The following CTTNBP2 variants were observed in gnomAD, a reference collection of about 807,000 sequenced individuals.
The protein encoded by CTTNBP2 is cortactin binding protein 2.
A neutral mutation model predicts 156.9 loss-of-function variants in CTTNBP2; 108 were observed. The observed-to-expected ratio is 0.69, with a 90% confidence interval of 0.59 to 0.81. CTTNBP2 has a LOEUF of 0.81. Ranked by LOEUF, CTTNBP2 falls within the 30% of genes least tolerant of loss-of-function variation. The probability of loss-of-function intolerance (pLI) is 0.00; values close to 1 mark genes in which losing one functional copy is unlikely to be tolerated. For missense variants in CTTNBP2, 1,924 were observed against 2,035.4 expected (o/e 0.95, Z 1.05); for synonymous variants, 767 against 751.8 (o/e 1.02, Z -0.33).
chr7:117,769,338 A>C (rs1048829350), intron 8 of CTTNBP2, among the ~76,000 whole-genome samples: 5 of 152,202 alleles, frequency 3.3e-5, no homozygotes, highest in African/African-American at 1.2e-4. Flanking sequence ...TAAAGCTGAC[A>C]GACAGAACCT....
chr7:117,727,100 T>C lies in CTTNBP2; in HGVS notation c.4055+989A>G, dbSNP rs868863512. On this transcript the variant is annotated intron_variant, in intron 17 of 22. Coordinates refer to ENST00000160373, the MANE Select transcript of CTTNBP2 (RefSeq NM_033427.3). ...ATTATATCAATAAGTGTATTTATTT[T>C]GTAGCAAAATTCTAAATATATATTT... Among the ~76,000 whole-genome samples, 46 of 152,356 alleles carry C rather than the reference T, an allele frequency of 3.0e-4. 1 individual carries two copies. In the Middle Eastern group the frequency reaches 0.024, roughly 79 times the overall value.
chr7:117,735,124 G>A (rs1414697877), intron 15 of CTTNBP2, 24 bp from the exon 16 acceptor site: 1 of 1,606,232 alleles, frequency 6.2e-7, no homozygotes, highest in East Asian at 2.2e-5. Flanking sequence ...AAAAGCAATG[G>A]CCCATCCTCA....
chr7:117,782,934 T>C lies in CTTNBP2; in HGVS notation c.2300A>G (p.Glu767Gly). 6.2e-7 allele frequency: 1 copy of C among 1,613,964 alleles called. No homozygotes were observed. Among genetic ancestry groups the C allele is most frequent in the Non-Finnish European group, 8.5e-7 (1 of 1,179,818 alleles). The change falls in exon 6 of 23, where the codon GAA becomes GGA. Residue 767 changes from glutamate (E) to glycine (G), a missense_variant. Coordinates refer to ENST00000160373, the MANE Select transcript of CTTNBP2 (RefSeq NM_033427.3). ...TTTATCAGCAGCATTGACTTGGGCTTCTGCACTCAGCAGCAATCTCACACA... is the reference window on the plus strand; with the variant it reads ...TTTATCAGCAGCATTGACTTGGGCTCCTGCACTCAGCAGCAATCTCACACA... The part of the protein sequence containing the change: ...TDCVRLLLSA[E>G]AQVNAADKNG...
chr7:117,724,066 C>T (rs573147553), intron 19 of CTTNBP2, among the ~76,000 whole-genome samples: 1 of 151,958 alleles, frequency 6.6e-6, no homozygotes, highest in Non-Finnish European at 1.5e-5. Flanking sequence ...ATTTCCAGTG[C>T]CTAGACTAAA....
chr7:117,823,498 T>A (rs1198042535), intron 2 of CTTNBP2, among the ~76,000 whole-genome samples: 3 of 152,232 alleles, frequency 2.0e-5, no homozygotes, highest in Non-Finnish European at 2.9e-5. Context: ...ACTTGCCTAA[T>A]TTTCTTTGTA....
rs147958874 is a variant in CTTNBP2, at chr7:117,777,531, C to A, written c.2758G>T (p.Ala920Ser). The A allele has an allele frequency of 6.2e-6, 10 of 1,613,258 alleles. No homozygotes were observed. The highest frequency in any genetic ancestry group is 1.7e-5 in the Admixed American group (1 of 59,990). Residue 920 changes from alanine (A) to serine (S), a missense_variant, in exon 8 of 23, where the codon GCT (alanine) becomes TCT (serine). Coordinates refer to ENST00000160373, the MANE Select transcript of CTTNBP2 (RefSeq NM_033427.3). ...NREGWTAAHI[A>S]ASKGFKNCLE... The stretch of plus-strand genomic sequence containing the variant: ...CACACCTTAAAACCTTTGGAAGCAG[C>A]AATGTGGGCAGCAGTCCAGCCTTCT...
At position 117,792,377 on chromosome 7, in the gene CTTNBP2, A is replaced by G; in HGVS notation, c.819T>C (p.Ser273=). The G allele has an allele frequency of 6.2e-7, 1 of 1,614,086 alleles. No homozygotes were observed. Among genetic ancestry groups the G allele is most frequent in the Non-Finnish European group, 8.5e-7 (1 of 1,180,030 alleles). The change falls in exon 4 of 23, where the codon AGT becomes AGC. Residue 273 remains serine, a synonymous_variant. Transcript: ENST00000160373. This position sits in a 1 kb window ranked among gnomAD's most constrained non-coding sequence, Gnocchi z 4.2. ...GAAGAGAGAGGCTTGGTTTGCTGTCACTTCCCCTTTTCAGTTGCTCAATCA... is the reference window on the plus strand; with the variant it reads ...GAAGAGAGAGGCTTGGTTTGCTGTCGCTTCCCCTTTTCAGTTGCTCAATCA... The part of the protein sequence containing the change: ...RKMIEQLKRG[S]DSKPSLSLPR...
At chr7:117,718,155 C>G in intron 21 of CTTNBP2, 36 bp from the exon 22 acceptor site, 2 of 1,314,606 alleles carry the variant, frequency 1.5e-6, no homozygotes, top group Non-Finnish European at 1.1e-6. Context: ...CATGTCTCCA[C>G]AGTCACACTG....
chr7:117,813,094 A>G (rs1455283747), intron 2 of CTTNBP2, among the ~76,000 whole-genome samples: 1 of 152,174 alleles, frequency 6.6e-6, no homozygotes, highest in Non-Finnish European at 1.5e-5. Flanking sequence ...TGAAGGGAGC[A>G]GGAATGTCGT....
At chr7:117,854,692 T>A (rs1220384234) in intron 2 of CTTNBP2, among the ~76,000 whole-genome samples, 1 of 152,236 alleles carries the variant, frequency 6.6e-6, no homozygotes, top group East Asian at 1.9e-4. Context: ...AAAGGTATAC[T>A]TTTTCAAGAA....
intron 1 of CTTNBP2, among the ~76,000 whole-genome samples, chr7:117,868,831 T>C (rs1584592026): frequency 6.6e-6 from 1 of 152,234 alleles, no homozygotes. Context: ...TACTGCTCCA[T>C]CCTTCCTAGG....
chr7:117,728,254 G>A lies in CTTNBP2; in HGVS notation c.3890C>T (p.Ala1297Val), dbSNP rs138129215. The A allele has an allele frequency of 3.8e-5, 62 of 1,612,832 alleles. No homozygotes were observed. The highest frequency in any genetic ancestry group is 8.0e-5 in the African/African-American group (6 of 74,886). The change falls in exon 17 of 23, where the codon GCG becomes GTG. Residue 1297 changes from alanine to valine, a missense_variant. Physicochemically the swap from Ala to Val is moderately conservative, Grantham distance 64. Transcript: ENST00000160373. ...GCACACAGGATCGCAGGGGGAGGGC[G>A]CCTGACCTTTGAACTAGAGAGACAG... ...RKVVNKFKGQ[A>V]PSPCDPVCKI...
chr7:117,775,589 T>G (rs933717861), intron 8 of CTTNBP2, among the ~76,000 whole-genome samples: 3 of 150,788 alleles, frequency 2.0e-5, no homozygotes, highest in Non-Finnish European at 3.0e-5. Flanking sequence ...TTTTCCTTTT[T>G]TTTTTTTGCC....
At chr7:117,860,032 G>A (rs892478277) in intron 2 of CTTNBP2, among the ~76,000 whole-genome samples, 5 of 152,108 alleles carry the variant, frequency 3.3e-5, no homozygotes, top group Non-Finnish European at 1.5e-5. Flanking sequence ...ATACGCTCCT[G>A]TCACAGGTAA....
At chr7:117,785,456 T>G (rs1032781163) in intron 4 of CTTNBP2, among the ~76,000 whole-genome samples, 2 of 152,242 alleles carry the variant, frequency 1.3e-5, no homozygotes, top group Admixed American at 1.3e-4. Flanking sequence ...TTTTTCCTTA[T>G]AGGGTTCTAA....
chr7:117,858,028 A>T (rs967615862), intron 2 of CTTNBP2, among the ~76,000 whole-genome samples: 1 of 152,230 alleles, frequency 6.6e-6, no homozygotes, highest in Non-Finnish European at 1.5e-5. Flanking sequence ...AAACACAATC[A>T]TCTAAATAAA....
intron 2 of CTTNBP2, among the ~76,000 whole-genome samples, chr7:117,823,400 T>G (rs191340165): frequency 8.5e-4 from 130 of 152,362 alleles, no homozygotes; most frequent in African/African-American, 2.9e-3. Flanking sequence ...AAATTTGCTT[T>G]AATAGCTTAG....
At chr7:117,727,053 C>A (rs139635870) in intron 17 of CTTNBP2, among the ~76,000 whole-genome samples, 19 of 152,236 alleles carry the variant, frequency 1.2e-4, no homozygotes, top group African/African-American at 4.3e-4. Context: ...ATTTAACTGA[C>A]ATAATAATGA....
intron 16 of CTTNBP2, among the ~76,000 whole-genome samples, chr7:117,730,092 C>T (rs1277786320): frequency 1.3e-5 from 2 of 152,168 alleles, no homozygotes; most frequent in Admixed American, 6.5e-5. Flanking sequence ...GTCCCCTGAA[C>T]GAATGACTTC....
Sources: allele counts gnomAD v4.1 joint callset (sites outside exome capture counted in the v4.1 genomes callset), GRCh38; gene constraint gnomAD v4.1.1; non-coding constraint Gnocchi (gnomAD v3.1); transcripts MANE v1.5; gene names NCBI Gene and HGNC (gene_info 2026-07-23, HGNC 2026-07-21).